Variants in PTPRN2 observed in about 807,000 individuals in gnomAD.
The protein encoded by PTPRN2 is receptor-type tyrosine-protein phosphatase N2.
A neutral mutation model predicts 118.8 loss-of-function variants in PTPRN2; 74 were observed. The observed-to-expected ratio is 0.62, with a 90% CI of 0.52 to 0.76. PTPRN2 has a LOEUF of 0.76. Among genes scored for constraint, PTPRN2 ranks in the 30% least tolerant of loss-of-function variants. PTPRN2 has a pLI of 0.00. For synonymous variants in PTPRN2, 641 were observed against 608.0 expected, an observed-to-expected ratio of 1.05 and a Z score of -0.80; for missense variants, 1,481 against 1,394.4, an observed-to-expected ratio of 1.06 and a Z score of -0.99.
chr7:158,341,611 C>A (rs1198742637), intron 2 of PTPRN2, among the ~76,000 whole-genome samples: 30 of 88,212 alleles, frequency 3.4e-4, no homozygotes, highest in Admixed American at 4.5e-4. Flanking sequence ...TCACTCACAC[C>A]CACACTCTCA....
intron 11 of PTPRN2, among the ~76,000 whole-genome samples, chr7:157,949,385 TG>T (rs1379959105): frequency 6.6e-6 from 1 of 152,266 alleles, no homozygotes; most frequent in African/African-American, 2.4e-5. Flanking sequence ...AATTTAGTTT[TG>T]TTTCATTCAT....
rs80219597 is a variant in PTPRN2 at position 157,560,607 on chromosome 7, G to A, written c.2902+8295C>T. Among the ~76,000 whole-genome samples, 2,074 of 152,288 alleles carry A rather than the reference G, an allele frequency of 0.014. 47 individuals carry two copies. Among genetic ancestry groups the A allele is most frequent in the African/African-American group, 0.048 (1,975 of 41,560 alleles). ...CTTGCACCAGAATAGCTCAGGGGAA[G>A]GAAAGGCACAGAAAATAAACAACAC... On this transcript the variant is annotated intron_variant, in intron 21 of 22. Coordinates refer to ENST00000389418, the MANE Select transcript of PTPRN2 (RefSeq NM_002847.5). This position sits in a 1 kb window ranked among gnomAD's most constrained non-coding sequence, Gnocchi z 6.7.
rs1041594996 is a variant in PTPRN2, at chr7:157,598,714, G to A, written c.2419-3399C>T. ...TTAGGTGAACGCCAAGCTGTCAGGC[G>A]GTCTGCGGCCCGTGAACACGCGTCC... On this transcript the variant is annotated intron_variant, in intron 16 of 22. Transcript: ENST00000389418. The surrounding 1 kb of genome is among the most constrained non-coding windows in gnomAD (Gnocchi z 5.2). 3.3e-5 allele frequency among the ~76,000 whole-genome samples: 5 copies of A among 152,226 alleles called. No homozygotes were observed. The highest frequency in any genetic ancestry group is 7.2e-5 in the African/African-American group (3 of 41,470).
Position 158,375,704 on chromosome 7 carries a change from C to G in PTPRN2, c.164-58772G>C, listed in dbSNP as rs150653263. ...ATCCTGTACCCATGTAAATGCCAAG[C>G]CCCAGGCTCCACTAGTGGAAGAGCG... On this transcript the variant is annotated intron_variant, in intron 2 of 22. Transcript: ENST00000389418. Among the ~76,000 whole-genome samples, 715 of 152,310 alleles carry G rather than the reference C, an allele frequency of 4.7e-3. 4 individuals are homozygous for G. The highest frequency in any genetic ancestry group is 7.5e-3 in the Admixed American group (115 of 15,298).
rs1704566199 is a variant in PTPRN2 at position 157,782,480 on chromosome 7, A to T, written c.1789-99543T>A. ...CCACAGAGGGGGTCCAGGGCTTCTT[A>T]CTGATCATCCAGGCATGGGAAGCTG... On this transcript the variant is annotated intron_variant, in intron 12 of 22. Coordinates refer to ENST00000389418, the MANE Select transcript of PTPRN2 (RefSeq NM_002847.5). Among the ~76,000 whole-genome samples, 2 of 150,126 alleles carry T rather than the reference A, an allele frequency of 1.3e-5. 1 individual carries two copies. The highest frequency in any genetic ancestry group is 1.3e-4 in the Admixed American group (2 of 15,066).
At chr7:157,592,518 G>A (rs906133348) in intron 17 of PTPRN2, among the ~76,000 whole-genome samples, 7 of 151,968 alleles carry the variant, frequency 4.6e-5, no homozygotes, top group African/African-American at 1.2e-4. Flanking sequence ...GGGCATCATC[G>A]TGGTCGTTGA....
chr7:158,270,469 G>A (rs1351319592), intron 3 of PTPRN2, among the ~76,000 whole-genome samples: 2 of 152,096 alleles, frequency 1.3e-5, no homozygotes, highest in African/African-American at 4.8e-5. Context: ...GGAGACAGAT[G>A]AGCCTCACTC....
chr7:158,193,749 G>T (rs545217914), intron 4 of PTPRN2, among the ~76,000 whole-genome samples: 1 of 152,148 alleles, frequency 6.6e-6, no homozygotes, highest in Middle Eastern at 3.4e-3. Context: ...CAGCCCCCAC[G>T]GAGGCCTTTG....
intron 12 of PTPRN2, among the ~76,000 whole-genome samples, chr7:157,882,957 C>T (rs923638352): frequency 6.6e-6 from 1 of 151,908 alleles, no homozygotes; most frequent in African/African-American, 2.4e-5. Context: ...AACACACCAC[C>T]CCAAAACGAC....
chr7:158,283,591 C>CGGGGT (rs1295908537), intron 3 of PTPRN2, among the ~76,000 whole-genome samples: 1 of 152,134 alleles, frequency 6.6e-6, no homozygotes, highest in Non-Finnish European at 1.5e-5. Flanking sequence ...GGCCACCCGC[C>CGGGGT]GGGGTCACAG....
intron 11 of PTPRN2, among the ~76,000 whole-genome samples, chr7:157,967,675 A>G (rs1470457135): frequency 4.6e-5 from 7 of 152,180 alleles, no homozygotes; most frequent in Non-Finnish European, 2.9e-5. Context: ...AACTCGCACA[A>G]GTTATGTATG....
chr7:157,786,310 T>C (rs1442895427), intron 12 of PTPRN2, among the ~76,000 whole-genome samples: 1 of 152,252 alleles, frequency 6.6e-6, no homozygotes, highest in Non-Finnish European at 1.5e-5. Context: ...AGTATTTATT[T>C]AAATCAACAT....
chr7:158,150,138 A>C (rs1311030855), intron 6 of PTPRN2, among the ~76,000 whole-genome samples: 1 of 152,194 alleles, frequency 6.6e-6, no homozygotes, highest in African/African-American at 2.4e-5. Flanking sequence ...CTTGGCCGGC[A>C]ACAATGCTGT....
intron 2 of PTPRN2, 29 bp downstream of exon 2, chr7:158,489,706 G>C: frequency 1.3e-6 from 2 of 1,559,652 alleles, no homozygotes; most frequent in Non-Finnish European, 1.7e-6. Flanking sequence ...GGGCAGACCA[G>C]GGCGCAGCAG....
At chr7:157,999,822 T>G (rs1235053770) in intron 11 of PTPRN2, among the ~76,000 whole-genome samples, 1 of 152,204 alleles carries the variant, frequency 6.6e-6, no homozygotes, top group African/African-American at 2.4e-5. Context: ...CATACCACAC[T>G]TGATCTCAGA....
rs546717933 is a variant in PTPRN2 at position 158,445,880 on chromosome 7, G to A, written c.163+43855C>T. Among the ~76,000 whole-genome samples, 49 of 152,342 alleles carry A rather than the reference G, an allele frequency of 3.2e-4. 2 individuals are homozygous for A. The highest frequency in any genetic ancestry group is 9.8e-4 in the Admixed American group (15 of 15,308). On this transcript the variant is annotated intron_variant, in intron 2 of 22. Coordinates refer to ENST00000389418, the MANE Select transcript of PTPRN2 (RefSeq NM_002847.5). ...ACCATGTCAGTGCTCAGAAGCCTCC[G>A]GGTCAGCCCTCAGACCACCCCATGT...
intron 2 of PTPRN2, among the ~76,000 whole-genome samples, chr7:158,333,444 C>A (rs1389350387): frequency 1.5e-5 from 2 of 132,392 alleles, no homozygotes; most frequent in African/African-American, 3.1e-5. Context: ...GTGACACCTG[C>A]AGACGTCTCT....
intron 11 of PTPRN2, among the ~76,000 whole-genome samples, chr7:157,934,149 C>T (rs1011999395): frequency 2.0e-5 from 3 of 152,320 alleles, no homozygotes; most frequent in East Asian, 1.9e-4. Context: ...CCGCTGGTGA[C>T]GTTCACTGGT....
chr7:158,441,952 A>G (rs1213153652), intron 2 of PTPRN2, among the ~76,000 whole-genome samples: 298 of 25,926 alleles, frequency 0.011, no homozygotes, highest in African/African-American at 0.047. Flanking sequence ...TGGTGGTGAT[A>G]GTGATAGTGA....
Sources: allele counts gnomAD v4.1 joint callset (sites outside exome capture counted in the v4.1 genomes callset), GRCh38; gene constraint gnomAD v4.1.1; non-coding constraint Gnocchi (gnomAD v3.1); transcripts MANE v1.5; gene names NCBI Gene and HGNC (gene_info 2026-07-23, HGNC 2026-07-21).